The following CDC42BPB variants were observed in gnomAD, a reference collection of about 807,000 sequenced individuals.
CDC42BPB encodes serine/threonine-protein kinase MRCK beta.
In CDC42BPB, 37 loss-of-function variants were observed where a neutral mutation model predicts 214.9. That is an observed-to-expected ratio of 0.17 (90% CI 0.13 to 0.23). CDC42BPB has a LOEUF of 0.23. CDC42BPB is among the 10% of genes least tolerant of loss of function. The probability of loss-of-function intolerance (pLI) is 1.00; values close to 1 mark genes in which losing one functional copy is unlikely to be tolerated. For synonymous variants in CDC42BPB, 931 were observed against 884.0 expected (o/e 1.05, Z -0.94); for missense variants, 1,694 against 2,227.0 (o/e 0.76, Z 4.82).
rs141250239 is a variant in CDC42BPB, at chr14:103,026,375, G to C, written c.176-14187C>G. Among the ~76,000 whole-genome samples the C allele has an allele frequency of 3.0e-4, 45 of 152,156 alleles. 1 individual carries two copies. The East Asian group carries it at 8.5e-3, about 29-fold the overall frequency. Reference sequence around the variant, plus strand: ...CATTGCATTCCAGCCTGGTGACAGAGTGAGGTTCCGTCTCAAAAACAAAAC... The same window carrying C: ...CATTGCATTCCAGCCTGGTGACAGACTGAGGTTCCGTCTCAAAAACAAAAC... On this transcript the variant is annotated intron_variant, in intron 1 of 36. Transcript: ENST00000361246.
chr14:103,017,567 G>A (rs765618432), intron 1 of CDC42BPB, among the ~76,000 whole-genome samples: 1 of 152,018 alleles, frequency 6.6e-6, no homozygotes, highest in Non-Finnish European at 1.5e-5. Flanking sequence ...CACAGGACAC[G>A]AGGGGGAAAC....
chr14:102,942,829 T>C (rs1465218890), intron 30 of CDC42BPB, among the ~76,000 whole-genome samples: 2 of 148,890 alleles, frequency 1.3e-5, no homozygotes, highest in Non-Finnish European at 3.0e-5. Flanking sequence ...CTCAGCCTCC[T>C]GAGTAGCTGG....
intron 2 of CDC42BPB, among the ~76,000 whole-genome samples, chr14:103,009,077 G>A (rs970981567): frequency 5.3e-5 from 8 of 152,226 alleles, no homozygotes; most frequent in Non-Finnish European, 1.0e-4. Flanking sequence ...TCCACCCTAC[G>A]TAAGTCACTC....
chr14:103,011,503 G>A (rs1364280139), intron 2 of CDC42BPB, among the ~76,000 whole-genome samples: 1 of 152,172 alleles, frequency 6.6e-6, no homozygotes, highest in African/African-American at 2.4e-5. Flanking sequence ...GAGGCTGGGC[G>A]GGGCATCTGG....
chr14:102,950,057 C>G, intron 25 of CDC42BPB, 153 bp from the exon 26 acceptor site: 5 of 985,476 alleles, frequency 5.1e-6, no homozygotes, highest in African/African-American at 1.7e-5. Context: ...CAAGGCGTTG[C>G]TGGGGAGGGG....
At chr14:103,046,486 C>T (rs1450073145) in intron 1 of CDC42BPB, among the ~76,000 whole-genome samples, 1 of 152,048 alleles carries the variant, frequency 6.6e-6, no homozygotes, top group African/African-American at 2.4e-5. Flanking sequence ...AAGTAGAAAA[C>T]AGGTGAAAAA....
chr14:103,028,172 G>GA (rs1887155576), intron 1 of CDC42BPB, among the ~76,000 whole-genome samples: 1 of 152,170 alleles, frequency 6.6e-6, no homozygotes. Context: ...CAAGCACAAC[G>GA]AATCTGTGAT....
chr14:103,026,313 C>A (rs1887050733), intron 1 of CDC42BPB, among the ~76,000 whole-genome samples: 1 of 151,814 alleles, frequency 6.6e-6, no homozygotes, highest in Non-Finnish European at 1.5e-5. Flanking sequence ...ATCGCGTGAA[C>A]CTGGGAGGCA....
At chr14:103,046,887 T>C (rs1390251621) in intron 1 of CDC42BPB, among the ~76,000 whole-genome samples, 1 of 151,564 alleles carries the variant, frequency 6.6e-6, no homozygotes, top group East Asian at 2.0e-4. Flanking sequence ...CTCCTGAGAG[T>C]TGATCCACCT....
chr14:102,994,781 C>T lies in CDC42BPB; in HGVS notation c.596+4784G>A, dbSNP rs140518305. 1.2e-3 allele frequency among the ~76,000 whole-genome samples: 187 copies of T among 152,332 alleles called. 2 individuals are homozygous for T. The highest frequency in any genetic ancestry group is 0.011 in the Admixed American group (161 of 15,298). On this transcript the variant is annotated intron_variant, in intron 5 of 36. Transcript: ENST00000361246. ...CCTCTGACACTGAAAAGGGAGGCTG[C>T]TTCTGTCCCTCACCGTACCATTTCT... is the stretch of plus-strand genomic sequence containing the variant.
chr14:103,008,425 G>A (rs1260662681), intron 3 of CDC42BPB, 47 bp downstream of exon 3: 1 of 1,240,176 alleles, frequency 8.1e-7, no homozygotes, highest in East Asian at 2.3e-5. Context: ...GTCACTTTCT[G>A]CTCACCCCAA....
At chr14:103,009,663 G>A (rs1390875638) in intron 2 of CDC42BPB, among the ~76,000 whole-genome samples, 1 of 152,112 alleles carries the variant, frequency 6.6e-6, no homozygotes, top group Non-Finnish European at 1.5e-5. Context: ...ATTTCCCTTG[G>A]TCGTCTCTCT....
chr14:103,032,711 C>A lies in CDC42BPB; in HGVS notation c.176-20523G>T, dbSNP rs140091208. ...GCAGTGGTGTGATCTAGGCTCATTG[C>A]GACCTCTGCCTCCCGGGTTCAAGCA... On this transcript the variant is annotated intron_variant, in intron 1 of 36. Transcript: ENST00000361246. Among the ~76,000 whole-genome samples the A allele has an allele frequency of 1.4e-4, 20 of 143,816 alleles. No homozygotes were observed. In the Admixed American group the frequency reaches 1.4e-3, roughly 10 times the overall value. 94.3% of individuals were successfully genotyped at this position (143,816 alleles called of 152,430 possible).
chr14:102,974,451 T>A, intron 11 of CDC42BPB: 2 of 780,648 alleles, frequency 2.6e-6, no homozygotes, highest in Non-Finnish European at 3.1e-6. Context: ...TCAGTCCCTC[T>A]AACCTGTGTC....
intron 1 of CDC42BPB, among the ~76,000 whole-genome samples, chr14:103,049,044 A>G (rs1002862425): frequency 6.6e-6 from 1 of 152,216 alleles, no homozygotes; most frequent in African/African-American, 2.4e-5. Flanking sequence ...AATTTAAACA[A>G]AATTATATAA....
intron 19 of CDC42BPB, 60 bp from the exon 20 acceptor site, chr14:102,963,215 T>C: frequency 1.9e-6 from 3 of 1,560,430 alleles, no homozygotes; most frequent in Non-Finnish European, 2.6e-6. Flanking sequence ...TGAGCTGGTA[T>C]GGGGCAGGTC....
chr14:103,016,808 GCT>G (rs1317587949), intron 1 of CDC42BPB, among the ~76,000 whole-genome samples: 1 of 126,298 alleles, frequency 7.9e-6, no homozygotes, highest in Non-Finnish European at 1.7e-5. Flanking sequence ...CAGAGTCCTA[GCT>G]CTGTCTACCG....
intron 12 of CDC42BPB, 122 bp downstream of exon 12, chr14:102,973,894 A>C: frequency 8.1e-7 from 1 of 1,241,548 alleles, no homozygotes; most frequent in Non-Finnish European, 1.1e-6. Context: ...GGCGTCCTGC[A>C]TGCAGCAGGG....
At position 102,986,477 on chromosome 14, in the gene CDC42BPB, A is replaced by C; in HGVS notation, c.690+10T>G. On this transcript the variant is annotated intron_variant, in intron 6 of 36. Transcript: ENST00000361246. ...AAACCAAATGGAAAATCTCCAACAA[A>C]AATACCTACAGTGCCATCATCATTC... The C allele has an allele frequency of 6.2e-7, 1 of 1,605,924 alleles. No individual in the cohort carries two copies. The highest frequency in any genetic ancestry group is 1.1e-5 in the South Asian group (1 of 90,114).
Sources: gnomAD v4.1 joint callset for allele counts (sites outside exome capture counted in the v4.1 genomes callset) on GRCh38, gnomAD v4.1.1 for gene constraint, MANE v1.5 for transcripts, NCBI Gene and HGNC (gene_info 2026-07-23, HGNC 2026-07-21) for gene names.